Variants in PCDH15 observed in about 807,000 individuals in gnomAD.
PCDH15 encodes protocadherin related 15.
PCDH15 carries 129 observed loss-of-function variants against 178.5 expected under a neutral mutation model. The ratio of observed to expected loss-of-function variants is 0.72; its 90% CI spans 0.63 to 0.84. The LOEUF (loss-of-function observed/expected upper bound fraction) is 0.84. PCDH15 is among the 40% of genes least tolerant of loss of function. The pLI is 0.00. For missense variants in PCDH15, 2,230 were observed against 2,099.9 expected, an observed-to-expected ratio of 1.06 and a Z score of -1.21; for synonymous variants, 800 against 732.0, an observed-to-expected ratio of 1.09 and a Z score of -1.50.
At chr10:54,619,463 A>T (rs763059430) in intron 2 of PCDH15, 1 of 152,116 alleles carries the variant, frequency 6.6e-6, no homozygotes, top group East Asian at 1.9e-4. Flanking sequence ...TAATTATTAC[A>T]TCTAGTGATA....
At chr10:53,900,738 A>G (rs2082280100) in intron 26 of PCDH15, among the ~76,000 whole-genome samples, 1 of 152,192 alleles carries the variant, frequency 6.6e-6, no homozygotes, top group African/African-American at 2.4e-5. Context: ...TAATTTACAT[A>G]GCACAGAGCC....
intron 3 of PCDH15, among the ~76,000 whole-genome samples, chr10:54,884,037 G>A (rs1258069069): frequency 6.6e-6 from 1 of 152,000 alleles, no homozygotes; most frequent in Non-Finnish European, 1.5e-5. Flanking sequence ...AACTCATTAT[G>A]TGGACTACAG....
chr10:54,840,334 A>G (rs1198249219), intron 3 of PCDH15, among the ~76,000 whole-genome samples: 1 of 152,000 alleles, frequency 6.6e-6, no homozygotes, highest in Non-Finnish European at 1.5e-5. Context: ...GTAAAAGTGT[A>G]GAGTTTTTAT....
intron 3 of PCDH15, among the ~76,000 whole-genome samples, chr10:54,512,407 T>TGTGTGTG (rs2081786167): frequency 9.8e-6 from 1 of 102,370 alleles, no homozygotes; most frequent in Admixed American, 1.2e-4. Context: ...GTGTGTATTA[T>TGTGTGTG]TGGGGGATGA....
intron 32 of PCDH15, chr10:53,821,850 A>G: frequency 6.2e-7 from 1 of 1,612,254 alleles, no homozygotes; most frequent in Non-Finnish European, 8.5e-7. Flanking sequence ...AAAATAAGAA[A>G]AGCAACATTA....
At chr10:53,842,311 C>T (rs2077705018) in intron 28 of PCDH15, among the ~76,000 whole-genome samples, 1 of 152,152 alleles carries the variant, frequency 6.6e-6, no homozygotes, top group Non-Finnish European at 1.5e-5. Flanking sequence ...GGCTGGAGTG[C>T]AATGGGGCAA....
At chr10:55,185,275 T>A (rs1839762671) in intron 1 of PCDH15, among the ~76,000 whole-genome samples, 2 of 151,854 alleles carry the variant, frequency 1.3e-5, no homozygotes, top group African/African-American at 4.8e-5. Context: ...TGTCTGTTTG[T>A]AGCTCATTAT....
intron 3 of PCDH15, among the ~76,000 whole-genome samples, chr10:54,857,854 A>G (rs943826529): frequency 1.3e-5 from 2 of 152,208 alleles, no homozygotes; most frequent in African/African-American, 4.8e-5. Flanking sequence ...AATAAAAATT[A>G]TATAAATGTA....
chr10:54,084,018 G>C (rs1223128062), intron 16 of PCDH15, among the ~76,000 whole-genome samples: 1 of 151,966 alleles, frequency 6.6e-6, no homozygotes. Context: ...AAGGTCAGGA[G>C]ATGGAGACCA....
At chr10:55,598,878 G>C (rs1843000164) in intron 2 of PCDH15, among the ~76,000 whole-genome samples, 1 of 151,976 alleles carries the variant, frequency 6.6e-6, no homozygotes, top group African/African-American at 2.4e-5. Flanking sequence ...CCAAAGTGTA[G>C]CTTAACCCAA....
chr10:54,436,002 AAGAGG>A (rs1174759847), intron 3 of PCDH15, among the ~76,000 whole-genome samples: 2,363 of 127,782 alleles, frequency 0.018, 63 homozygotes, highest in African/African-American at 0.042. Flanking sequence ...AAAAGAAAAG[AAGAGG>A]AGAGGAGAGG....
intron 3 of PCDH15, among the ~76,000 whole-genome samples, chr10:54,866,796 A>G (rs1953951309): frequency 6.6e-6 from 1 of 152,148 alleles, no homozygotes; most frequent in Non-Finnish European, 1.5e-5. Context: ...GGTTGGTGGT[A>G]TGAAATTAAC....
At chr10:54,364,350 T>C (rs1024391706) in intron 5 of PCDH15, among the ~76,000 whole-genome samples, 19 of 152,214 alleles carry the variant, frequency 1.2e-4, no homozygotes, top group Non-Finnish European at 2.6e-4. Context: ...TAATGCCATT[T>C]TCCAACTATA....
chr10:54,365,372 T>C (rs1484873810), intron 5 of PCDH15, among the ~76,000 whole-genome samples: 1 of 152,142 alleles, frequency 6.6e-6, no homozygotes, highest in Non-Finnish European at 1.5e-5. Flanking sequence ...TTTTAATTTA[T>C]TTTAATATAC....
chr10:55,062,285 T>C (rs563577303), intron 2 of PCDH15, among the ~76,000 whole-genome samples: 1 of 152,314 alleles, frequency 6.6e-6, no homozygotes, highest in East Asian at 1.9e-4. Context: ...AAGTACTCTC[T>C]ATGAATCAGA....
chr10:55,337,671 A>T (rs779311722), intron 2 of PCDH15, among the ~76,000 whole-genome samples: 2 of 152,182 alleles, frequency 1.3e-5, no homozygotes, highest in Non-Finnish European at 2.9e-5. Flanking sequence ...CAGTCTCCAC[A>T]TGTTGGTCTC....
intron 2 of PCDH15, among the ~76,000 whole-genome samples, chr10:55,445,847 C>A (rs542858420): frequency 6.6e-6 from 1 of 152,070 alleles, no homozygotes; most frequent in East Asian, 1.9e-4. Flanking sequence ...ATCCCACTAC[C>A]CCTCCTGTAC....
intron 2 of PCDH15, among the ~76,000 whole-genome samples, chr10:55,346,120 T>C (rs1477179352): frequency 6.6e-6 from 1 of 152,252 alleles, no homozygotes; most frequent in African/African-American, 2.4e-5. Context: ...CACTACACAA[T>C]AGCTCATTTG....
chr10:54,428,684 G>A (rs927371827), intron 3 of PCDH15, among the ~76,000 whole-genome samples: 2 of 152,116 alleles, frequency 1.3e-5, no homozygotes, highest in African/African-American at 4.8e-5. Context: ...TATCCCAAAA[G>A]CAGCAAGAGA....
Sources: gnomAD v4.1 joint callset for allele counts (sites outside exome capture counted in the v4.1 genomes callset) on GRCh38, gnomAD v4.1.1 for gene constraint, MANE v1.5 for transcripts, NCBI Gene and HGNC (gene_info 2026-07-23, HGNC 2026-07-21) for gene names.